The following ADGRG2 variants were observed in gnomAD, a reference collection of about 807,000 sequenced individuals.
ADGRG2 encodes G protein-coupled receptor 64.
In ADGRG2, 26 loss-of-function variants were observed where a neutral mutation model predicts 74.1. The observed-to-expected ratio is 0.35, with a 90% CI of 0.26 to 0.49. The LOEUF (loss-of-function observed/expected upper bound fraction) is 0.49, where lower values mean the gene tolerates loss of function less well. Among genes scored for constraint, ADGRG2 ranks in the 20% least tolerant of loss-of-function variants. The probability of loss-of-function intolerance (pLI) is 0.99; values close to 1 mark genes in which losing one functional copy is unlikely to be tolerated. For synonymous variants in ADGRG2, 296 were observed against 295.2 expected (o/e 1.00, Z -0.03); for missense variants, 619 against 763.1 (o/e 0.81, Z 2.22).
chrX:19,045,430 C>T (rs1289521347), intron 3 of ADGRG2, among the ~76,000 whole-genome samples: 1 of 108,228 alleles, frequency 9.2e-6, no homozygotes, highest in Non-Finnish European at 1.9e-5. Flanking sequence ...GCCTCAGCCT[C>T]CCGAGTAGCT....
chrX:19,079,442 T>C (rs1392523151), intron 2 of ADGRG2, among the ~76,000 whole-genome samples: 3 of 112,465 alleles, frequency 2.7e-5, no homozygotes, highest in Admixed American at 9.4e-5. Context: ...AAAGGAACTA[T>C]TCTGAACTTC....
intron 2 of ADGRG2, among the ~76,000 whole-genome samples, chrX:19,074,121 G>GA (rs1326223867): frequency 4.0e-4 from 43 of 107,518 alleles, no homozygotes; most frequent in African/African-American, 1.3e-3. Flanking sequence ...ATATCTCAGG[G>GA]AAAAAAAAAA....
chrX:19,102,622 G>C (rs950819867), intron 1 of ADGRG2, among the ~76,000 whole-genome samples: 19 of 109,268 alleles, frequency 1.7e-4, no homozygotes, highest in Non-Finnish European at 2.9e-4. Context: ...ACTGGTGGGG[G>C]TGGGGAGATG....
chrX:19,104,093 G>A (rs371223148), intron 1 of ADGRG2, among the ~76,000 whole-genome samples: 12 of 111,043 alleles, frequency 1.1e-4, no homozygotes, highest in African/African-American at 2.6e-4. Context: ...AGTGACCATC[G>A]ATGCAAAGCT....
intron 3 of ADGRG2, 124 bp downstream of exon 3, chrX:19,068,593 T>C: frequency 2.5e-6 from 1 of 399,078 alleles, no homozygotes. Flanking sequence ...ACTGTACACT[T>C]AAAAATGGTT....
intron 28 of ADGRG2, among the ~76,000 whole-genome samples, chrX:18,993,227 G>A (rs2031422674): frequency 9.0e-6 from 1 of 111,575 alleles, no homozygotes; most frequent in South Asian, 3.7e-4. Flanking sequence ...GACATTTTGG[G>A]TTGTCATAAC....
intron 2 of ADGRG2, among the ~76,000 whole-genome samples, chrX:19,074,829 C>T (rs1325755562): frequency 9.1e-6 from 1 of 109,691 alleles, no homozygotes; most frequent in Non-Finnish European, 1.9e-5. Flanking sequence ...GCTCGGCCTC[C>T]CAAAGTGCTG....
chrX:19,102,114 T>A (rs1159153774), intron 1 of ADGRG2, among the ~76,000 whole-genome samples: 10 of 101,225 alleles, frequency 9.9e-5, no homozygotes, highest in South Asian at 1.2e-3. Flanking sequence ...CTCACACCTG[T>A]AATCCCAGCA....
chrX:19,098,106 G>A (rs935135773), intron 1 of ADGRG2, among the ~76,000 whole-genome samples: 26 of 112,360 alleles, frequency 2.3e-4, no homozygotes, highest in Non-Finnish European at 3.8e-4. Context: ...CTTTGCCACC[G>A]TGCCAGAAAG....
At chrX:18,995,775 T>C (rs1435266666) in intron 27 of ADGRG2, among the ~76,000 whole-genome samples, 1 of 112,391 alleles carries the variant, frequency 8.9e-6, no homozygotes, top group Non-Finnish European at 1.9e-5. Context: ...ATAATCTCAA[T>C]AGAAAATCAA....
chrX:19,097,625 A>T (rs1162701399), intron 1 of ADGRG2, among the ~76,000 whole-genome samples: 1 of 112,060 alleles, frequency 8.9e-6, no homozygotes, highest in East Asian at 2.8e-4. Flanking sequence ...TATTTGAGGG[A>T]CCAAGACCAC....
intron 1 of ADGRG2, among the ~76,000 whole-genome samples, chrX:19,099,717 A>T (rs769891499): frequency 8.9e-6 from 1 of 112,104 alleles, no homozygotes; most frequent in South Asian, 3.7e-4. Context: ...GGAAAGTAGA[A>T]AACGCACCAG....
rs1435874142 is a variant in ADGRG2, at chrX:19,107,883, A to G, written c.-47+14559T>C. Among the ~76,000 whole-genome samples the G allele has an allele frequency of 1.1e-4, 11 of 104,196 alleles. No individual in the cohort carries two copies. The East Asian group carries it at 2.5e-3, about 23-fold the overall frequency. 90.5% of individuals were successfully genotyped at this position (104,196 alleles called of 115,157 possible). A position where few individuals can be genotyped will look rare whatever the true frequency, so the allele number is the denominator to read the frequency against. ...TGGGAGGCTGAGGCGGGCGGATCAC[A>G]AAGTCAGGAGATCGAGACCATCCTG... On this transcript the variant is annotated intron_variant, in intron 1 of 28. Coordinates refer to ENST00000379869, the MANE Select transcript of ADGRG2 (RefSeq NM_001079858.3).
chrX:19,085,761 T>C (rs2061926454), intron 1 of ADGRG2, among the ~76,000 whole-genome samples: 1 of 111,569 alleles, frequency 9.0e-6, no homozygotes, highest in African/African-American at 3.3e-5. Flanking sequence ...GGCATGTCTT[T>C]ACATAGTACT....
chrX:19,036,616 A>AACACACACACACACAC (rs534574581), intron 6 of ADGRG2, among the ~76,000 whole-genome samples: 30 of 94,691 alleles, frequency 3.2e-4, no homozygotes, highest in Non-Finnish European at 5.7e-4. Context: ...TCATACTTAA[A>AACACACACACACACAC]ACACACACAC....
intron 9 of ADGRG2, 89 bp downstream of exon 9, chrX:19,030,895 A>G (rs775710445): frequency 1.4e-5 from 9 of 623,632 alleles, no homozygotes; most frequent in Non-Finnish European, 1.7e-5. Context: ...CAAGAGGCAC[A>G]TACCACATAC....
chrX:19,077,094 T>C (rs777716753), intron 2 of ADGRG2, among the ~76,000 whole-genome samples: 10 of 110,237 alleles, frequency 9.1e-5, no homozygotes, highest in Non-Finnish European at 9.5e-5. Flanking sequence ...TCCTAACTAG[T>C]GGAGGAGGAA....
intron 1 of ADGRG2, among the ~76,000 whole-genome samples, chrX:19,101,588 C>T (rs1255714029): frequency 3.7e-5 from 4 of 109,547 alleles, no homozygotes; most frequent in Non-Finnish European, 5.7e-5. Flanking sequence ...GTAGTCTCAG[C>T]TACTTGGGAG....
chrX:19,028,144 C>T, intron 10 of ADGRG2, 39 bp downstream of exon 10: 4 of 696,953 alleles, frequency 5.7e-6, no homozygotes, highest in Non-Finnish European at 9.1e-6. Context: ...AATGAATTTG[C>T]CTTTTAAGAT....
Sources: allele counts gnomAD v4.1 joint callset (sites outside exome capture counted in the v4.1 genomes callset), GRCh38; gene constraint gnomAD v4.1.1; transcripts MANE v1.5; gene names NCBI Gene and HGNC (gene_info 2026-07-23, HGNC 2026-07-21).